Variants in PTCH2 observed in about 807,000 individuals in gnomAD.
The protein encoded by PTCH2 is patched 2, also known as protein patched homolog 2.
A neutral mutation model predicts 117.9 loss-of-function variants in PTCH2; 96 were observed. The ratio of observed to expected loss-of-function variants is 0.81; its 90% CI spans 0.69 to 0.96. The LOEUF (loss-of-function observed/expected upper bound fraction) is 0.96, where lower values mean the gene tolerates loss of function less well. Among genes scored for constraint, PTCH2 ranks in the 50% least tolerant of loss-of-function variants. The pLI, the probability that PTCH2 is intolerant of heterozygous loss-of-function variation, is 0.00. For synonymous variants in PTCH2, 615 were observed against 660.9 expected, an observed-to-expected ratio of 0.93 and a Z score of 1.06; for missense variants, 1,379 against 1,562.5, an observed-to-expected ratio of 0.88 and a Z score of 1.98.
chr1:44,843,023 C>T lies in PTCH2; in HGVS notation c.-91G>A. 4 of 1,440,410 alleles carry T rather than the reference C, an allele frequency of 2.8e-6. No homozygotes were observed. Among genetic ancestry groups the T allele is most frequent in the Non-Finnish European group, 3.6e-6 (4 of 1,101,194 alleles). The allele number at this position is 1,440,410 out of a possible 1,614,324, so 89.2% of individuals were successfully genotyped here. A position where few individuals can be genotyped will look rare whatever the true frequency, so the allele number is the denominator to read the frequency against. On this transcript the variant is annotated 5_prime_UTR_variant, in exon 1 of 22. Transcript: ENST00000372192. ...CCGGTCTCCCGGTACCGCTGGGCCC[C>T]GCGTAGGGATTCAGTGGGGCCGCCA... is the stretch of plus-strand genomic sequence containing the variant.
Position 44,832,204 on chromosome 1 carries a change from G to A in PTCH2, c.403C>T (p.His135Tyr). The change falls in exon 3 of 22, where the codon CAC (histidine) becomes TAC (tyrosine). Residue 135 changes from histidine to tyrosine, a missense_variant. Physicochemically the swap from His to Tyr is moderately conservative, Grantham distance 83 (BLOSUM62 2). Transcript: ENST00000372192. ...NILTPEALGL[H>Y]LQAALTASKV... Reference sequence around the variant, plus strand: ...CTGGCAGTGAGGGCTGCCTGGAGGTGGAGGCCAAGTGCTTCGGGTGTGAGG... The same window carrying A: ...CTGGCAGTGAGGGCTGCCTGGAGGTAGAGGCCAAGTGCTTCGGGTGTGAGG... 1.9e-6 allele frequency: 3 copies of A among 1,614,214 alleles called. No individual in the cohort carries two copies. Among genetic ancestry groups the A allele is most frequent in the Non-Finnish European group, 2.5e-6 (3 of 1,180,040 alleles).
Position 44,841,702 on chromosome 1 carries a change from A to G in PTCH2, c.265+145T>C, listed in dbSNP as rs536691878. On this transcript the variant is annotated intron_variant, in intron 2 of 21. Coordinates refer to ENST00000372192, the MANE Select transcript of PTCH2 (RefSeq NM_003738.5). ...GGTTGTGGGAGGGAACGGTGTTCCT[A>G]GATGCCCAGGTGTAGGACTCTGGCC... 6.9e-4 allele frequency: 543 copies of G among 788,192 alleles called. 3 individuals carry two copies. The highest frequency in any genetic ancestry group is 3.0e-3 in the South Asian group (202 of 66,368). The allele number at this position is 788,192 out of a possible 1,614,324, so 48.8% of individuals were successfully genotyped here. A position where few individuals can be genotyped will look rare whatever the true frequency, so the allele number is the denominator to read the frequency against.
At position 44,821,944 on chromosome 1, in the gene PTCH2, C is replaced by T; in HGVS notation, c.*471G>A. On this transcript the variant is annotated 3_prime_UTR_variant, in exon 22 of 22. Transcript: ENST00000372192. ...GCACTGAAGTCATCTGAGATTAGTT[C>T]ACATAGAATATATTTCATTCTTTAA... is the stretch of plus-strand genomic sequence containing the variant. 7.4e-7 allele frequency: 1 copy of T among 1,348,694 alleles called. No individual in the cohort carries two copies. Among genetic ancestry groups the T allele is most frequent in the Non-Finnish European group, 9.9e-7 (1 of 1,014,272 alleles). 83.5% of individuals were successfully genotyped at this position (1,348,694 alleles called of 1,614,324 possible). A position where few individuals can be genotyped will look rare whatever the true frequency, so the allele number is the denominator to read the frequency against.
At chr1:44,830,721 AG>A in intron 6 of PTCH2, 126 bp downstream of exon 6, 1 of 909,710 alleles carries the variant, frequency 1.1e-6, no homozygotes, top group South Asian at 2.6e-5. Context: ...CTGTGGGAGC[AG>A]GGTAATAATG....
chr1:44,820,557 G>C, downstream of PTCH2: 1 of 674,342 alleles, frequency 1.5e-6, no homozygotes, highest in Non-Finnish European at 2.8e-6. Flanking sequence ...GTCACATCAA[G>C]GGGAGGTGAG....
At position 44,841,925 on chromosome 1, in the gene PTCH2, G is replaced by T. The variant is rs1198704639; in HGVS notation, c.187C>A (p.Leu63Met). The stretch of plus-strand genomic sequence containing the variant: ...AATGCCAGGGCCCCAAAGGCCAACA[G>T]TCCCAGAAAGAGCACTTTGCCACAA... Reference protein sequence around the residue: ...RHCGKVLFLGLLAFGALALGL... With the variant: ...RHCGKVLFLGMLAFGALALGL... The change falls in exon 2 of 22, where the codon CTG (leucine) becomes ATG (methionine). Residue 63 changes from leucine (L) to methionine (M), a missense_variant. Coordinates refer to ENST00000372192, the MANE Select transcript of PTCH2 (RefSeq NM_003738.5). 1.2e-6 allele frequency: 2 copies of T among 1,614,236 alleles called. No individual in the cohort carries two copies. Among genetic ancestry groups the T allele is most frequent in the Non-Finnish European group, 1.7e-6 (2 of 1,180,042 alleles).
chr1:44,823,042 G>T lies in PTCH2; in HGVS notation c.3357+27C>A, dbSNP rs1217456603. On this transcript the variant is annotated intron_variant, in intron 21 of 21. Transcript: ENST00000372192. This position sits in a 1 kb window ranked among gnomAD's most constrained non-coding sequence, Gnocchi z 5.1. ...TACCCCGTCCCTTGGGCTGGGAGTA[G>T]AGGGATGGTGCCGAGGGTGTGGTCA... 2 of 1,604,800 alleles carry T rather than the reference G, an allele frequency of 1.2e-6. No individual in the cohort carries two copies. The highest frequency in any genetic ancestry group is 1.7e-6 in the Non-Finnish European group (2 of 1,175,276).
At chr1:44,820,399 C>T (rs1336925356), downstream of PTCH2, 2 of 631,812 alleles carry the variant, frequency 3.2e-6, no homozygotes, top group Non-Finnish European at 5.9e-6. Flanking sequence ...CCGTCCTTAC[C>T]CGCAGTAAGC....
chr1:44,839,187 A>G (rs530927744), intron 2 of PTCH2, among the ~76,000 whole-genome samples: 61 of 152,194 alleles, frequency 4.0e-4, no homozygotes, highest in Non-Finnish European at 6.5e-4. Flanking sequence ...AGCATGGCCA[A>G]CATGGTGACA....
At chr1:44,834,987 A>G (rs1157416370) in intron 2 of PTCH2, among the ~76,000 whole-genome samples, 1 of 152,200 alleles carries the variant, frequency 6.6e-6, no homozygotes, top group Non-Finnish European at 1.5e-5. Flanking sequence ...GAAAAATGAG[A>G]AGGAACTGAA....
At position 44,826,649 on chromosome 1, in the gene PTCH2, G is replaced by C; in HGVS notation, c.2815C>G (p.Gln939Glu). Residue 939 changes from glutamine to glutamate, a missense_variant, in exon 18 of 22, where the codon CAG becomes GAG. Coordinates refer to ENST00000372192, the MANE Select transcript of PTCH2 (RefSeq NM_003738.5). This position sits in a 1 kb window ranked among gnomAD's most constrained non-coding sequence, Gnocchi z 5.1. ...CTGGGGTAGGCGTGCACCCCAGCCTGGCCGGCCTCTGCGCATGCTGCCCGG... is the reference window on the plus strand; with the variant it reads ...CTGGGGTAGGCGTGCACCCCAGCCTCGCCGGCCTCTGCGCATGCTGCCCGG... ...GARAACAEAG[Q>E]AGVHAYPSGS... The C allele has an allele frequency of 2.5e-6, 4 of 1,612,212 alleles. No homozygotes were observed. In the Admixed American group the frequency reaches 6.7e-5, roughly 27 times the overall value.
At chr1:44,825,933 C>T (rs1256369568) in intron 19 of PTCH2, among the ~76,000 whole-genome samples, 7 of 149,294 alleles carry the variant, frequency 4.7e-5, no homozygotes, top group East Asian at 2.0e-4. Flanking sequence ...CTGCAACCTT[C>T]GCCTCCCAGG....
At chr1:44,837,006 C>T (rs888933207) in intron 2 of PTCH2, among the ~76,000 whole-genome samples, 4 of 152,118 alleles carry the variant, frequency 2.6e-5, no homozygotes, top group Non-Finnish European at 5.9e-5. Context: ...TTTCTTTTTC[C>T]TGACACTGCA....
Position 44,828,963 on chromosome 1 carries a change from C to A in PTCH2, c.1464+19G>T. The A allele has an allele frequency of 6.4e-7, 1 of 1,551,158 alleles. No individual in the cohort carries two copies. Among genetic ancestry groups the A allele is most frequent in the South Asian group, 1.2e-5 (1 of 84,170 alleles). ...TAAGCTGAGCTGCCTCAGATGAGCCCTGGGGGACAAGGCCCCACCTGGAGA... is the reference window on the plus strand; with the variant it reads ...TAAGCTGAGCTGCCTCAGATGAGCCATGGGGGACAAGGCCCCACCTGGAGA... On this transcript the variant is annotated intron_variant, in intron 11 of 21. Transcript: ENST00000372192.
rs528919650 is a variant in PTCH2 at position 44,831,124 on chromosome 1, C to T, written c.618-81G>A. On this transcript the variant is annotated intron_variant, in intron 5 of 21. Coordinates refer to ENST00000372192, the MANE Select transcript of PTCH2 (RefSeq NM_003738.5). The surrounding 1 kb of genome is among the most constrained non-coding windows in gnomAD (Gnocchi z 4.3). The stretch of plus-strand genomic sequence containing the variant: ...CTGCTGCTGGGGCGCCATGCTGTAC[C>T]CCACCCTCCTCTTATCTGCCGATTT... 6 of 1,355,272 alleles carry T rather than the reference C, an allele frequency of 4.4e-6. No homozygotes were observed. The highest frequency in any genetic ancestry group is 2.6e-4 in the Middle Eastern group (1 of 3,870). The allele number at this position is 1,355,272 out of a possible 1,614,324, so 84.0% of individuals were successfully genotyped here.
chr1:44,820,073 G>A (rs753656371), downstream of PTCH2: 33 of 236,610 alleles, frequency 1.4e-4, no homozygotes, highest in Non-Finnish European at 2.6e-4. Flanking sequence ...TGCCTGCGTG[G>A]TACGCACTCC....
intron 2 of PTCH2, among the ~76,000 whole-genome samples, chr1:44,836,097 T>A (rs1316944924): frequency 1.3e-5 from 2 of 152,172 alleles, no homozygotes; most frequent in Non-Finnish European, 2.9e-5. Context: ...TAACAGACCC[T>A]GATTTCCGTG....
At position 44,827,631 on chromosome 1, in the gene PTCH2, C is replaced by G. The variant is rs200329309; in HGVS notation, c.2142G>C (p.Thr714=). 2 of 1,613,736 alleles carry G rather than the reference C, an allele frequency of 1.2e-6. No individual in the cohort carries two copies. Among genetic ancestry groups the G allele is most frequent in the South Asian group, 2.2e-5 (2 of 91,088 alleles). Residue 714 remains threonine (T), a synonymous_variant, in exon 15 of 22, where the codon ACG becomes ACC. Transcript: ENST00000372192. ...CCTTGGTGCCCCGAGGCACCACATC[C>G]GTCAGGGCCAGGCCGTCTTGCACCA... The part of the protein sequence containing the change: ...ATLVQDGLAL[T]DVVPRGTKEH...
chr1:44,829,988 A>C lies in PTCH2; in HGVS notation c.856T>G (p.Phe286Val). 6.2e-7 allele frequency: 1 copy of C among 1,614,146 alleles called. No homozygotes were observed. The change falls in exon 7 of 22, where the codon TTC becomes GTC. Residue 286 changes from phenylalanine (F) to valine (V), a missense_variant. Transcript: ENST00000372192. ...TGCCAGTGCATGAATTTGTGGGAGA[A>C]GCCATGGCAGCCCCCACTCAGCTCG... ...AHELSGGCHG[F>V]SHKFMHWQEE...
Sources: allele counts gnomAD v4.1 joint callset (sites outside exome capture counted in the v4.1 genomes callset), GRCh38; gene constraint gnomAD v4.1.1; non-coding constraint Gnocchi (gnomAD v3.1); transcripts MANE v1.5; gene names NCBI Gene and HGNC (gene_info 2026-07-23, HGNC 2026-07-21).